LARP1B: variants seen among roughly 807,000 people sequenced by gnomAD.
LARP1B encodes the protein la-related protein 1B.
Under a neutral mutation model 114.2 loss-of-function variants are expected in LARP1B, and 76 were observed. The ratio of observed to expected loss-of-function variants is 0.67; its 90% CI spans 0.55 to 0.81. The LOEUF (loss-of-function observed/expected upper bound fraction) is 0.81. Among genes scored for constraint, LARP1B ranks in the 30% least tolerant of loss-of-function variants. LARP1B has a pLI of 0.00. For synonymous variants in LARP1B, 345 were observed against 348.0 expected (o/e 0.99, Z 0.10); for missense variants, 1,014 against 1,075.8 (o/e 0.94, Z 0.80).
At chr4:128,066,756 T>A (rs1458386828) in intron 1 of LARP1B, among the ~76,000 whole-genome samples, 1 of 146,748 alleles carries the variant, frequency 6.8e-6, no homozygotes, top group Non-Finnish European at 1.5e-5. Context: ...GGGATACAGG[T>A]GTGAACCACC....
intron 8 of LARP1B, among the ~76,000 whole-genome samples, chr4:128,104,928 A>AT (rs34796830): frequency 4.1e-4 from 63 of 152,250 alleles, no homozygotes; most frequent in South Asian, 1.9e-3. Flanking sequence ...ACTGCTAAGC[A>AT]TTTTTTTAAA....
chr4:128,098,769 T>TATATATATATATATATATATG (rs1561201033), intron 8 of LARP1B, among the ~76,000 whole-genome samples: 1 of 14,432 alleles, frequency 6.9e-5, no homozygotes, highest in African/African-American at 2.7e-4. Context: ...ATATATATAT[T>TATATATATATATATATATATG]TTTTTTTTTT....
At chr4:128,187,351 A>T (rs931727898) in intron 15 of LARP1B, among the ~76,000 whole-genome samples, 2 of 152,256 alleles carry the variant, frequency 1.3e-5, no homozygotes, top group African/African-American at 4.8e-5. Context: ...CACCCCTTGC[A>T]CCAGCATACC....
intron 7 of LARP1B, among the ~76,000 whole-genome samples, chr4:128,096,846 C>T (rs940427158): frequency 1.4e-4 from 22 of 152,036 alleles, no homozygotes; most frequent in East Asian, 3.9e-4. Flanking sequence ...GTGATCTGCC[C>T]GCCTCAGCCT....
At chr4:128,082,980 T>G (rs1005479934) in intron 5 of LARP1B, among the ~76,000 whole-genome samples, 16 of 151,860 alleles carry the variant, frequency 1.1e-4, no homozygotes, top group Non-Finnish European at 2.1e-4. Context: ...GCAGTGTTTG[T>G]GTCCCTGGGT....
At chr4:128,068,315 G>A (rs1357271299) in intron 1 of LARP1B, among the ~76,000 whole-genome samples, 3 of 149,366 alleles carry the variant, frequency 2.0e-5, no homozygotes, top group African/African-American at 4.9e-5. Context: ...ACCACACCCG[G>A]CTTTTTTTTT....
At chr4:128,101,251 A>C (rs1034253515) in intron 8 of LARP1B, among the ~76,000 whole-genome samples, 10 of 152,068 alleles carry the variant, frequency 6.6e-5, no homozygotes, top group African/African-American at 2.4e-4. Flanking sequence ...AGGCCGATGG[A>C]TCACTTGAGG....
rs141696586 is a variant in LARP1B at position 128,114,607 on chromosome 4, G to A, written c.1026G>A (p.Leu342=). Residue 342 remains leucine, a synonymous_variant, in exon 10 of 20, where the codon TTG becomes TTA. Coordinates refer to ENST00000326639, the MANE Select transcript of LARP1B (RefSeq NM_018078.4). The part of the protein sequence containing the change: ...APNSPRIGSP[L]SPKKNSETSI... ...ATTCTCCAAGAATTGGAAGCCCATT[G>A]AGCCCAAAGAAAAACAGTGAAACAA... 7.9e-4 allele frequency: 1,274 copies of A among 1,612,998 alleles called. 2 individuals are homozygous for A. The highest frequency in any genetic ancestry group is 9.6e-4 in the Non-Finnish European group (1,128 of 1,179,474).
At chr4:128,083,038 C>T (rs1771209801) in intron 5 of LARP1B, among the ~76,000 whole-genome samples, 1 of 151,978 alleles carries the variant, frequency 6.6e-6, no homozygotes, top group African/African-American at 2.4e-5. Flanking sequence ...ATGCTGCCTT[C>T]AAGCATCTGT....
At chr4:128,204,488 C>A (rs975721399) in intron 17 of LARP1B, among the ~76,000 whole-genome samples, 2 of 151,850 alleles carry the variant, frequency 1.3e-5, no homozygotes, top group Admixed American at 6.6e-5. Context: ...AACCCCATCT[C>A]TACTAAAAAT....
intron 12 of LARP1B, among the ~76,000 whole-genome samples, chr4:128,172,796 T>G (rs1199726134): frequency 6.6e-6 from 1 of 152,204 alleles, no homozygotes; most frequent in Non-Finnish European, 1.5e-5. Flanking sequence ...CACTTGAAGT[T>G]GTCCCATACT....
intron 15 of LARP1B, among the ~76,000 whole-genome samples, chr4:128,191,446 T>C (rs1194258184): frequency 6.6e-6 from 1 of 152,208 alleles, no homozygotes; most frequent in Non-Finnish European, 1.5e-5. Context: ...GTTCCCTTAA[T>C]ACTATTGTAT....
At chr4:128,099,978 C>T (rs1417144875) in intron 8 of LARP1B, among the ~76,000 whole-genome samples, 3 of 151,602 alleles carry the variant, frequency 2.0e-5, no homozygotes, top group Non-Finnish European at 4.4e-5. Flanking sequence ...GACAAAGTTT[C>T]AGTTTTGCTC....
intron 11 of LARP1B, among the ~76,000 whole-genome samples, chr4:128,142,039 T>C (rs533356037): frequency 4.6e-4 from 70 of 152,278 alleles, no homozygotes; most frequent in African/African-American, 1.4e-3. Context: ...ACAGAAACAA[T>C]AGCTTCATAC....
intron 12 of LARP1B, among the ~76,000 whole-genome samples, 185 bp downstream of exon 12, chr4:128,162,502 A>G (rs1011963868): frequency 3.3e-5 from 5 of 152,160 alleles, no homozygotes; most frequent in African/African-American, 1.2e-4. Context: ...GATTATGCTC[A>G]AAGCCAGAGG....
At chr4:128,110,230 A>G (rs1783569882) in intron 9 of LARP1B, among the ~76,000 whole-genome samples, 1 of 152,150 alleles carries the variant, frequency 6.6e-6, no homozygotes, top group African/African-American at 2.4e-5. Flanking sequence ...AAAGCAGCAA[A>G]GATAAATTTT....
chr4:128,091,647 AGTGTAGTGGTAC>A, intron 7 of LARP1B, 135 bp downstream of exon 7: 1 of 618,224 alleles, frequency 1.6e-6, no homozygotes, highest in East Asian at 3.1e-5. Flanking sequence ...CCCAGGCTGG[AGTGTAGTGGTAC>A]GATCTTGGCT....
intron 15 of LARP1B, among the ~76,000 whole-genome samples, chr4:128,182,341 C>T (rs1748830394): frequency 6.6e-6 from 1 of 151,934 alleles, no homozygotes; most frequent in African/African-American, 2.4e-5. Context: ...AATTCCTGGA[C>T]TCAAGCAGTT....
At chr4:128,159,860 A>C (rs920989431) in intron 11 of LARP1B, among the ~76,000 whole-genome samples, 22 of 152,218 alleles carry the variant, frequency 1.4e-4, no homozygotes, top group African/African-American at 5.3e-4. Flanking sequence ...CTCCTAAGTA[A>C]ATATCCAACA....
Sources: gnomAD v4.1 joint callset for allele counts (sites outside exome capture counted in the v4.1 genomes callset) on GRCh38, gnomAD v4.1.1 for gene constraint, MANE v1.5 for transcripts, NCBI Gene and HGNC (gene_info 2026-07-23, HGNC 2026-07-21) for gene names.